PLA2G4A: variants seen among roughly 807,000 people sequenced by gnomAD.
PLA2G4A encodes cytosolic phospholipase A2.
A neutral mutation model predicts 81.9 loss-of-function variants in PLA2G4A; 40 were observed. The ratio of observed to expected loss-of-function variants is 0.49; its 90% CI spans 0.38 to 0.64. The LOEUF (loss-of-function observed/expected upper bound fraction) is 0.64, where lower values mean the gene tolerates loss of function less well. Among genes scored for constraint, PLA2G4A ranks in the 30% least tolerant of loss-of-function variants. PLA2G4A has a pLI of 0.00. For missense variants in PLA2G4A, 715 were observed against 905.1 expected (o/e 0.79, Z 2.69); for synonymous variants, 302 against 296.9 (o/e 1.02, Z -0.18).
At chr1:186,869,743 T>C (rs181102639) in intron 2 of PLA2G4A, among the ~76,000 whole-genome samples, 27 of 152,320 alleles carry the variant, frequency 1.8e-4, no homozygotes, top group Non-Finnish European at 2.6e-4. Flanking sequence ...CCTTGTAATC[T>C]TCTCAGTTGC....
chr1:186,875,640 C>T (rs868633313), intron 3 of PLA2G4A, among the ~76,000 whole-genome samples: 1 of 151,978 alleles, frequency 6.6e-6, no homozygotes, highest in Non-Finnish European at 1.5e-5. Context: ...ATATATAATT[C>T]TCTTTCAGCT....
chr1:186,866,379 G>A (rs1230613828), intron 2 of PLA2G4A, among the ~76,000 whole-genome samples: 1 of 152,150 alleles, frequency 6.6e-6, no homozygotes, highest in Non-Finnish European at 1.5e-5. Flanking sequence ...CAGCAAGGCT[G>A]AATTCTAGTA....
intron 9 of PLA2G4A, among the ~76,000 whole-genome samples, chr1:186,939,680 A>G (rs1447110184): frequency 6.6e-6 from 1 of 152,186 alleles, no homozygotes; most frequent in Non-Finnish European, 1.5e-5. Flanking sequence ...AAAGCAGAGG[A>G]GCGCCTGTGA....
intron 1 of PLA2G4A, among the ~76,000 whole-genome samples, chr1:186,844,613 A>G (rs1652104580): frequency 1.3e-5 from 2 of 152,152 alleles, no homozygotes; most frequent in Non-Finnish European, 2.9e-5. Flanking sequence ...TGGCTGGGTC[A>G]AATGGTATTT....
intron 10 of PLA2G4A, among the ~76,000 whole-genome samples, chr1:186,941,255 C>A (rs1424676628): frequency 1.3e-5 from 2 of 152,108 alleles, no homozygotes; most frequent in South Asian, 4.1e-4. Flanking sequence ...ACTTCAGACA[C>A]CCCATGAGCT....
At chr1:186,897,838 G>T (rs998401639) in intron 5 of PLA2G4A, among the ~76,000 whole-genome samples, 1 of 152,058 alleles carries the variant, frequency 6.6e-6, no homozygotes, top group African/African-American at 2.4e-5. Context: ...GGTTCAGGAG[G>T]TACATGTACA....
At chr1:186,887,801 C>T (rs1558403042) in intron 3 of PLA2G4A, among the ~76,000 whole-genome samples, 1 of 152,142 alleles carries the variant, frequency 6.6e-6, no homozygotes, top group African/African-American at 2.4e-5. Flanking sequence ...AAGTGGGCTG[C>T]CTTCCTTTTC....
rs770210794 is a variant in PLA2G4A at position 186,977,834 on chromosome 1, G to A, written c.1960+46G>A. The A allele has an allele frequency of 2.0e-5, 25 of 1,233,500 alleles. 1 individual carries two copies. In the East Asian group the frequency reaches 5.3e-4, roughly 26 times the overall value. 76.4% of individuals were successfully genotyped at this position (1,233,500 alleles called of 1,614,324 possible). On this transcript the variant is annotated intron_variant, in intron 16 of 17. Transcript: ENST00000367466. ...ATTCCATAAAATAGAAATTAAGTAG[G>A]GGACGAAACTGACATTAAACTGTTT...
chr1:186,988,771 T>C lies in PLA2G4A; in HGVS notation c.*263T>C, dbSNP rs1657975793. On this transcript the variant is annotated 3_prime_UTR_variant, in exon 18 of 18. Coordinates refer to ENST00000367466, the MANE Select transcript of PLA2G4A (RefSeq NM_024420.3). ...CAAATGTAGGGATATATACTGTATT[T>C]TTAAACATTTCTCACCAACTTTCTT... 7.8e-6 allele frequency: 2 copies of C among 257,540 alleles called. No individual in the cohort carries two copies. Among genetic ancestry groups the C allele is most frequent in the African/African-American group, 2.2e-5 (1 of 45,314 alleles). 16.0% of individuals were successfully genotyped at this position (257,540 alleles called of 1,614,324 possible). A position where few individuals can be genotyped will look rare whatever the true frequency, so the allele number is the denominator to read the frequency against.
At chr1:186,888,353 A>T (rs950015355) in intron 3 of PLA2G4A, among the ~76,000 whole-genome samples, 2 of 152,080 alleles carry the variant, frequency 1.3e-5, no homozygotes, top group East Asian at 3.8e-4. Context: ...GGTTTGACTC[A>T]TGGTGCTTCT....
chr1:186,845,333 T>G (rs1235183851), intron 1 of PLA2G4A, among the ~76,000 whole-genome samples: 1 of 152,194 alleles, frequency 6.6e-6, no homozygotes, highest in Non-Finnish European at 1.5e-5. Flanking sequence ...AATGATTATT[T>G]TGTACATTTA....
intron 3 of PLA2G4A, among the ~76,000 whole-genome samples, chr1:186,883,363 A>G (rs796891963): frequency 5.3e-5 from 8 of 152,270 alleles, no homozygotes; most frequent in African/African-American, 1.9e-4. Context: ...CCTTGAGGAT[A>G]TGAAGGAATG....
At chr1:186,976,766 G>T (rs1170808023) in intron 15 of PLA2G4A, among the ~76,000 whole-genome samples, 1 of 152,120 alleles carries the variant, frequency 6.6e-6, no homozygotes, top group African/African-American at 2.4e-5. Flanking sequence ...ATTTAATTTT[G>T]GGGGTGCTTA....
At chr1:186,876,991 A>T (rs111609284) in intron 3 of PLA2G4A, among the ~76,000 whole-genome samples, 2 of 152,136 alleles carry the variant, frequency 1.3e-5, no homozygotes, top group African/African-American at 4.8e-5. Flanking sequence ...AAAGGAGCTT[A>T]GAACTCAATC....
chr1:186,920,859 T>C (rs1021408984), intron 7 of PLA2G4A, among the ~76,000 whole-genome samples: 3 of 152,240 alleles, frequency 2.0e-5, no homozygotes, highest in Admixed American at 6.5e-5. Context: ...GATTGGCTAT[T>C]TCCAGTAACT....
At chr1:186,883,675 CT>C (rs2102087025) in intron 3 of PLA2G4A, among the ~76,000 whole-genome samples, 1 of 152,140 alleles carries the variant, frequency 6.6e-6, no homozygotes, top group South Asian at 2.1e-4. Context: ...TATAGAGGAA[CT>C]ATTTAGAGAG....
chr1:186,927,809 T>A (rs969244320), intron 7 of PLA2G4A, among the ~76,000 whole-genome samples: 3 of 152,180 alleles, frequency 2.0e-5, no homozygotes, highest in African/African-American at 7.2e-5. Flanking sequence ...CAGTTTCTTC[T>A]GAAGGAGATA....
intron 13 of PLA2G4A, among the ~76,000 whole-genome samples, chr1:186,951,064 T>C (rs1015093680): frequency 6.6e-6 from 1 of 152,180 alleles, no homozygotes; most frequent in African/African-American, 2.4e-5. Context: ...GGAACATTTT[T>C]AGATGGCTTT....
chr1:186,907,037 G>GT, intron 6 of PLA2G4A, 35 bp downstream of exon 6: 1 of 1,091,852 alleles, frequency 9.2e-7, no homozygotes, highest in Non-Finnish European at 1.4e-6. Flanking sequence ...GAGAAATATT[G>GT]TGAGTGATCC....
Sources: allele counts gnomAD v4.1 joint callset (sites outside exome capture counted in the v4.1 genomes callset), GRCh38; gene constraint gnomAD v4.1.1; transcripts MANE v1.5; gene names NCBI Gene and HGNC (gene_info 2026-07-23, HGNC 2026-07-21).